Variants in QTMAN observed in about 807,000 individuals in gnomAD.
QTMAN encodes the protein queuosine-tRNA mannosyltransferase, also known as tRNA-queuosine alpha-mannosyltransferase.
chr2:143,942,410 T>C, the QTMAN span: 1 of 167,366 alleles, frequency 6.0e-6, no homozygotes, highest in African/African-American at 2.4e-5. Context: ...TAGATTGCAG[T>C]GAAAGCACAA....
At chr2:144,282,096 C>T in the QTMAN span, among the ~76,000 whole-genome samples, 1 of 152,142 alleles carries the variant, frequency 6.6e-6, no homozygotes, top group Non-Finnish European at 1.5e-5. Context: ...CTACCAAGCA[C>T]GGAAGGACCC....
the QTMAN span, among the ~76,000 whole-genome samples, chr2:144,109,653 A>T: frequency 6.6e-6 from 1 of 152,178 alleles, no homozygotes; most frequent in Non-Finnish European, 1.5e-5. Flanking sequence ...CTCATCTGAC[A>T]AAGGGCTAAT....
the QTMAN span, among the ~76,000 whole-genome samples, chr2:144,083,914 C>T: frequency 1.6e-4 from 24 of 152,278 alleles, no homozygotes; most frequent in East Asian, 3.7e-3. Flanking sequence ...GCATATTTTT[C>T]AATTTCACAT....
At chr2:144,073,194 C>T in the QTMAN span, among the ~76,000 whole-genome samples, 1 of 151,326 alleles carries the variant, frequency 6.6e-6, no homozygotes, top group Non-Finnish European at 1.5e-5. Context: ...TTCTCACTCA[C>T]TATAAAAATG....
chr2:144,284,393 ATG>A, the QTMAN span, among the ~76,000 whole-genome samples: 12 of 152,120 alleles, frequency 7.9e-5, no homozygotes, highest in South Asian at 6.2e-4. Flanking sequence ...ATTTAATGAC[ATG>A]TGAGAAATTA....
the QTMAN span, among the ~76,000 whole-genome samples, chr2:144,271,269 A>T: frequency 1.3e-5 from 2 of 152,206 alleles, no homozygotes; most frequent in African/African-American, 4.8e-5. Flanking sequence ...AAAACATGAC[A>T]GCAGTCACAA....
At chr2:144,173,716 A>C in the QTMAN span, among the ~76,000 whole-genome samples, 2 of 152,056 alleles carry the variant, frequency 1.3e-5, no homozygotes, top group African/African-American at 4.8e-5. Flanking sequence ...GACTCCACTA[A>C]GTCTCACATT....
At chr2:144,288,804 C>G in the QTMAN span, among the ~76,000 whole-genome samples, 1 of 152,066 alleles carries the variant, frequency 6.6e-6, no homozygotes, top group African/African-American at 2.4e-5. Flanking sequence ...CTACTGCTGA[C>G]CAAAGACTGA....
the QTMAN span, among the ~76,000 whole-genome samples, chr2:143,967,732 G>A: frequency 9.9e-5 from 15 of 152,146 alleles, no homozygotes; most frequent in African/African-American, 3.1e-4. Context: ...TACGAATGCT[G>A]AATGGTGAGC....
the QTMAN span, among the ~76,000 whole-genome samples, chr2:144,264,677 G>A: frequency 6.6e-6 from 1 of 152,176 alleles, no homozygotes; most frequent in African/African-American, 2.4e-5. Context: ...CTAGGCAAAT[G>A]CTGACAAGGT....
chr2:144,139,563 C>A, the QTMAN span, among the ~76,000 whole-genome samples: 1 of 152,022 alleles, frequency 6.6e-6, no homozygotes, highest in African/African-American at 2.4e-5. Flanking sequence ...TACATGACTA[C>A]GGCGTCTAAG....
At chr2:144,101,392 T>TCA in the QTMAN span, among the ~76,000 whole-genome samples, 6 of 123,672 alleles carry the variant, frequency 4.9e-5, no homozygotes, top group African/African-American at 1.1e-4. Flanking sequence ...TCTATCTCTC[T>TCA]CTCACACACA....
chr2:144,029,624 T>A, the QTMAN span, among the ~76,000 whole-genome samples: 1 of 152,140 alleles, frequency 6.6e-6, no homozygotes, highest in Non-Finnish European at 1.5e-5. Flanking sequence ...GTGCAGATGC[T>A]TGAGAACCAG....
the QTMAN span, among the ~76,000 whole-genome samples, chr2:144,187,198 T>C: frequency 6.6e-6 from 1 of 152,306 alleles, no homozygotes; most frequent in Admixed American, 6.5e-5. Flanking sequence ...GACTGAATAA[T>C]TTTTAAAGAA....
chr2:144,050,765 A>G, the QTMAN span, among the ~76,000 whole-genome samples: 1 of 151,044 alleles, frequency 6.6e-6, no homozygotes. Flanking sequence ...AAGTTGGTTT[A>G]TTTTCCTTTC....
chr2:143,953,099 T>G, the QTMAN span, among the ~76,000 whole-genome samples: 1 of 151,856 alleles, frequency 6.6e-6, no homozygotes, highest in East Asian at 1.9e-4. Context: ...TCTGCATTTT[T>G]TTTTGTTTTT....
At chr2:143,978,656 G>A in the QTMAN span, among the ~76,000 whole-genome samples, 1 of 152,146 alleles carries the variant, frequency 6.6e-6, no homozygotes, top group Non-Finnish European at 1.5e-5. Flanking sequence ...TACTTAAGCA[G>A]CAGTCACCAT....
the QTMAN span, among the ~76,000 whole-genome samples, chr2:144,100,859 C>CTTTTTTTTTTTTTTTTTTTTTTT: frequency 2.6e-5 from 2 of 77,920 alleles, no homozygotes; most frequent in Non-Finnish European, 4.8e-5. Context: ...GTCTTTCTTT[C>CTTTTTTTTTTTTTTTTTTTTTTT]TTTTTTTTTT....
chr2:144,279,373 G>GAAA, the QTMAN span, among the ~76,000 whole-genome samples: 1 of 70,850 alleles, frequency 1.4e-5, no homozygotes, highest in Non-Finnish European at 2.8e-5. Flanking sequence ...CTCACCGCAA[G>GAAA]AAAAAAAAAA....
Sources: allele counts gnomAD v4.1 joint callset (sites outside exome capture counted in the v4.1 genomes callset), GRCh38; gene constraint gnomAD v4.1.1; transcripts MANE v1.5; gene names NCBI Gene and HGNC (gene_info 2026-07-23, HGNC 2026-07-21).